The following STAT5B variants were observed in gnomAD, a reference collection of about 807,000 sequenced individuals.
The protein encoded by STAT5B is transcription factor STAT5B.
STAT5B carries 21 observed loss-of-function variants against 107.8 expected under a neutral mutation model. That is an observed-to-expected ratio of 0.19 (90% CI 0.14 to 0.28). The LOEUF is 0.28. Ranked by LOEUF, STAT5B falls within the 10% of genes least tolerant of loss-of-function variation. The probability of loss-of-function intolerance (pLI) is 1.00; values close to 1 mark genes in which losing one functional copy is unlikely to be tolerated. For missense variants in STAT5B, 565 were observed against 1,008.2 expected (o/e 0.56, Z 5.95); for synonymous variants, 325 against 401.7 (o/e 0.81, Z 2.28).
chr17:42,225,841 C>T (rs1398218180), intron 3 of STAT5B, among the ~76,000 whole-genome samples: 5 of 152,030 alleles, frequency 3.3e-5, no homozygotes, highest in East Asian at 1.9e-4. Context: ...GAAGTCTGCT[C>T]GGAGATGTGC....
intron 1 of STAT5B, among the ~76,000 whole-genome samples, chr17:42,241,573 G>A (rs558264689): frequency 9.2e-5 from 14 of 151,824 alleles, no homozygotes; most frequent in South Asian, 4.2e-4. Context: ...CTCCTGAGTA[G>A]CTGGAATTAC....
At chr17:42,277,676 C>T (rs1413506695), upstream of STAT5B, among the ~76,000 whole-genome samples, 2 of 152,180 alleles carry the variant, frequency 1.3e-5, no homozygotes, top group African/African-American at 2.4e-5. Context: ...GGCAATCTCC[C>T]TGACAGTTAC....
rs1222101425 is a variant in STAT5B at position 42,200,462 on chromosome 17, T to G, written c.*1276A>C. On this transcript the variant is annotated 3_prime_UTR_variant, in exon 19 of 19. Coordinates refer to ENST00000293328, the MANE Select transcript of STAT5B (RefSeq NM_012448.4). ...TGGAACAAAATTATACCGAGGCTTT[T>G]TTTGTTTTGTTTTATACTTTTATCA... is the stretch of plus-strand genomic sequence containing the variant. 1.3e-5 allele frequency: 2 copies of G among 152,726 alleles called. No homozygotes were observed. Among genetic ancestry groups the G allele is most frequent in the African/African-American group, 4.8e-5 (2 of 41,446 alleles). The allele number at this position is 152,726 out of a possible 1,614,324, so 9.5% of individuals were successfully genotyped here. A position where few individuals can be genotyped will look rare whatever the true frequency, so the allele number is the denominator to read the frequency against.
chr17:42,283,649 G>T, the STAT5B span, among the ~76,000 whole-genome samples: 4 of 152,242 alleles, frequency 2.6e-5, no homozygotes, highest in Admixed American at 2.6e-4. Context: ...GAAGAGTGGT[G>T]GATAGGGGAC....
chr17:42,203,955 C>T (rs1301812700), intron 16 of STAT5B, among the ~76,000 whole-genome samples: 8 of 151,880 alleles, frequency 5.3e-5, no homozygotes, highest in Non-Finnish European at 8.8e-5. Context: ...GCAGGAGGTG[C>T]ATACACGTCA....
At chr17:42,203,522 T>A (rs1432228219) in intron 16 of STAT5B, among the ~76,000 whole-genome samples, 1 of 152,088 alleles carries the variant, frequency 6.6e-6, no homozygotes, top group East Asian at 1.9e-4. Context: ...GGGCAGGTCA[T>A]AAGAGGACAA....
chr17:42,233,389 G>A (rs908610094), intron 1 of STAT5B, among the ~76,000 whole-genome samples: 22 of 152,026 alleles, frequency 1.4e-4, no homozygotes, highest in African/African-American at 5.3e-4. Context: ...AAGCAATGTT[G>A]TTAAATTATA....
the STAT5B span, among the ~76,000 whole-genome samples, chr17:42,283,606 C>A: frequency 6.6e-6 from 1 of 152,240 alleles, no homozygotes; most frequent in Admixed American, 6.5e-5. Flanking sequence ...GCCTTGTGTT[C>A]TCTTGGTGAC....
intron 16 of STAT5B, among the ~76,000 whole-genome samples, chr17:42,207,257 C>A (rs923483084): frequency 5.9e-5 from 9 of 151,758 alleles, no homozygotes; most frequent in African/African-American, 1.9e-4. Flanking sequence ...GCAATAAAAC[C>A]ATCTCTGTCA....
intron 1 of STAT5B, among the ~76,000 whole-genome samples, chr17:42,258,819 T>C (rs1055714009): frequency 2.0e-5 from 3 of 152,232 alleles, no homozygotes; most frequent in South Asian, 4.1e-4. Flanking sequence ...AGTCATGGTG[T>C]GAACTTGGCA....
At chr17:42,222,217 T>C (rs2080236006) in intron 5 of STAT5B, among the ~76,000 whole-genome samples, 1 of 151,744 alleles carries the variant, frequency 6.6e-6, no homozygotes, top group Admixed American at 6.6e-5. Context: ...TGTGTGTGTT[T>C]GGAGGGGCTG....
Position 42,219,952 on chromosome 17 carries a change from G to A in STAT5B, c.551-110C>T. The A allele has an allele frequency of 2.6e-6, 4 of 1,536,716 alleles. No homozygotes were observed. In the South Asian group the frequency reaches 4.8e-5, roughly 19 times the overall value. On this transcript the variant is annotated intron_variant, in intron 5 of 18. Transcript: ENST00000293328. ...CGAGACCCTCCTGGGCTCAGATACT[G>A]CATTAAGGGCAAGTCGGGGTTCCTG...
chr17:42,201,519 A>AACACGCACACACACACACACAC lies in STAT5B; in HGVS notation c.*197_*218dup. On this transcript the variant is annotated 3_prime_UTR_variant, in exon 19 of 19. Transcript: ENST00000293328. ...AGAGGGAGAAACACCATAACGTGCA[A>AACACGCACACACACACACACAC]ACACGCACACACACACACACACACA... 1 of 629,080 alleles carries AACACGCACACACACACACACAC rather than the reference A, an allele frequency of 1.6e-6. No individual in the cohort carries two copies. The highest frequency in any genetic ancestry group is 2.7e-5 in the East Asian group (1 of 36,568). The allele number at this position is 629,080 out of a possible 1,614,324, so 39.0% of individuals were successfully genotyped here. A position where few individuals can be genotyped will look rare whatever the true frequency, so the allele number is the denominator to read the frequency against.
intron 12 of STAT5B, 137 bp from the exon 13 acceptor site, chr17:42,212,327 C>T: frequency 7.1e-7 from 1 of 1,411,250 alleles, no homozygotes; most frequent in East Asian, 2.5e-5. Context: ...AATTCAGACT[C>T]TGCTGGGGTA....
Position 42,201,524 on chromosome 17 carries a change from G to GCACACACA in STAT5B, c.*206_*213dup, listed in dbSNP as rs57573850. ...GAGAAACACCATAACGTGCAAACAC[G>GCACACACA]CACACACACACACACACACACACAC... is the stretch of plus-strand genomic sequence containing the variant. On this transcript the variant is annotated 3_prime_UTR_variant, in exon 19 of 19. Transcript: ENST00000293328. The GCACACACA allele has an allele frequency of 4.5e-5, 28 of 617,316 alleles. No homozygotes were observed. Among genetic ancestry groups the GCACACACA allele is most frequent in the Middle Eastern group, 4.2e-4 (1 of 2,402 alleles). The allele number at this position is 617,316 out of a possible 1,614,324, so 38.2% of individuals were successfully genotyped here.
At chr17:42,223,062 T>C (rs984123170) in intron 5 of STAT5B, among the ~76,000 whole-genome samples, 5 of 152,172 alleles carry the variant, frequency 3.3e-5, no homozygotes, top group Non-Finnish European at 7.3e-5. Context: ...ATGCCTACTA[T>C]ATACAAAAGT....
chr17:42,267,651 T>G (rs953264992), intron 1 of STAT5B, among the ~76,000 whole-genome samples: 1 of 152,020 alleles, frequency 6.6e-6, no homozygotes, highest in African/African-American at 2.4e-5. Flanking sequence ...ACAAAAGAGT[T>G]TAAAAGTGTA....
chr17:42,257,909 T>C (rs914858062), intron 1 of STAT5B, among the ~76,000 whole-genome samples: 3 of 152,224 alleles, frequency 2.0e-5, no homozygotes, highest in Non-Finnish European at 4.4e-5. Context: ...TATACTTTTA[T>C]AGAATCAATA....
At chr17:42,261,119 G>C (rs1192114686) in intron 1 of STAT5B, among the ~76,000 whole-genome samples, 2 of 152,044 alleles carry the variant, frequency 1.3e-5, no homozygotes, top group Non-Finnish European at 2.9e-5. Flanking sequence ...AAGCGGGCCA[G>C]GCTGGTCTCG....
Sources: allele counts gnomAD v4.1 joint callset (sites outside exome capture counted in the v4.1 genomes callset), GRCh38; gene constraint gnomAD v4.1.1; transcripts MANE v1.5; gene names NCBI Gene and HGNC (gene_info 2026-07-23, HGNC 2026-07-21).